KCND2: variants seen among roughly 807,000 people sequenced by gnomAD.
KCND2 encodes the protein potassium voltage-gated channel subfamily D member 2, also known as A-type voltage-gated potassium channel KCND2.
In KCND2, 16 loss-of-function variants were observed where a neutral mutation model predicts 54.4. The ratio of observed to expected loss-of-function variants is 0.29; its 90% confidence interval spans 0.20 to 0.45. The LOEUF is 0.45. Among genes scored for constraint, KCND2 ranks in the 20% least tolerant of loss-of-function variants. The pLI, the probability that KCND2 is intolerant of heterozygous loss-of-function variation, is 1.00. For missense variants in KCND2, 486 were observed against 824.2 expected (o/e 0.59, Z 5.02); for synonymous variants, 317 against 310.7 (o/e 1.02, Z -0.21).
chr7:120,393,102 G>T (rs1344782306), intron 1 of KCND2, among the ~76,000 whole-genome samples: 1 of 151,940 alleles, frequency 6.6e-6, no homozygotes, highest in Non-Finnish European at 1.5e-5. Context: ...TTTCTAAACT[G>T]TCCAAAATAT....
intron 1 of KCND2, among the ~76,000 whole-genome samples, chr7:120,640,317 G>A (rs1461098718): frequency 6.6e-6 from 1 of 151,978 alleles, no homozygotes; most frequent in Non-Finnish European, 1.5e-5. Flanking sequence ...GTTATATTTG[G>A]GCTCAATAAA....
At chr7:120,309,985 T>C (rs1799713997) in intron 1 of KCND2, among the ~76,000 whole-genome samples, 1 of 152,182 alleles carries the variant, frequency 6.6e-6, no homozygotes, top group South Asian at 2.1e-4. Context: ...GTTTTTACTG[T>C]GTCTCCAAAT....
chr7:120,678,738 GTATATATATATATATATATATA>G lies in KCND2; in HGVS notation c.1116-54146_1116-54125del, dbSNP rs66483423. 3.3e-4 allele frequency among the ~76,000 whole-genome samples: 38 copies of G among 115,794 alleles called. 2 individuals are homozygous for G. The highest frequency in any genetic ancestry group is 6.1e-4 in the South Asian group (2 of 3,274). 76.0% of individuals were successfully genotyped at this position (115,794 alleles called of 152,430 possible). A position where few individuals can be genotyped will look rare whatever the true frequency, so the allele number is the denominator to read the frequency against. On this transcript the variant is annotated intron_variant, in intron 1 of 5. Transcript: ENST00000331113. ...CTATATATAATGTGGGTGTGTGAGTGTATATATATATATATATATATATATATATATATATATATACACATAA... is the reference window on the plus strand; with the variant it reads ...CTATATATAATGTGGGTGTGTGAGTGTATATATATATATATATACACATAA...
intron 1 of KCND2, among the ~76,000 whole-genome samples, chr7:120,632,261 A>T (rs953172945): frequency 6.6e-6 from 1 of 152,224 alleles, no homozygotes; most frequent in Non-Finnish European, 1.5e-5. Context: ...TTTCAGCAGC[A>T]TATATGCACA....
At chr7:120,573,082 A>G (rs1792385660) in intron 1 of KCND2, among the ~76,000 whole-genome samples, 1 of 152,240 alleles carries the variant, frequency 6.6e-6, no homozygotes, top group Non-Finnish European at 1.5e-5. Context: ...AAAGTGTTGA[A>G]TCTGGAATTT....
chr7:120,602,622 A>G (rs1264326957), intron 1 of KCND2, among the ~76,000 whole-genome samples: 1 of 152,220 alleles, frequency 6.6e-6, no homozygotes, highest in Non-Finnish European at 1.5e-5. Flanking sequence ...GTATCAATTT[A>G]TAACCTAAAA....
At chr7:120,602,143 AG>A (rs1792821271) in intron 1 of KCND2, among the ~76,000 whole-genome samples, 1 of 152,214 alleles carries the variant, frequency 6.6e-6, no homozygotes, top group Admixed American at 6.5e-5. Flanking sequence ...TAAATAGTAA[AG>A]TCATGTAAAT....
At chr7:120,476,731 ACTCT>A (rs1018115964) in intron 1 of KCND2, among the ~76,000 whole-genome samples, 1 of 152,070 alleles carries the variant, frequency 6.6e-6, no homozygotes, top group Admixed American at 6.6e-5. Context: ...TATCCATTAT[ACTCT>A]CTCTCTTTCC....
At chr7:120,493,764 A>T (rs923191332) in intron 1 of KCND2, among the ~76,000 whole-genome samples, 1 of 152,148 alleles carries the variant, frequency 6.6e-6, no homozygotes, top group African/African-American at 2.4e-5. Context: ...TATATTGCTC[A>T]TGGGAGTGGA....
intron 1 of KCND2, among the ~76,000 whole-genome samples, chr7:120,336,992 T>A (rs183457932): frequency 7.1e-4 from 108 of 152,260 alleles, no homozygotes; most frequent in African/African-American, 2.6e-3. Context: ...ATACAAAAAA[T>A]TTAGTTAACT....
At chr7:120,303,105 T>C (rs555242060) in intron 1 of KCND2, among the ~76,000 whole-genome samples, 37 of 150,430 alleles carry the variant, frequency 2.5e-4, no homozygotes, top group Non-Finnish European at 4.3e-4. Flanking sequence ...ACAGTTGTTA[T>C]AAAAAAAAAG....
chr7:120,717,451 A>G (rs1792617622), intron 1 of KCND2, among the ~76,000 whole-genome samples: 1 of 152,144 alleles, frequency 6.6e-6, no homozygotes, highest in Admixed American at 6.6e-5. Flanking sequence ...TTTCCATTCA[A>G]TGTTTTTGAA....
intron 1 of KCND2, among the ~76,000 whole-genome samples, chr7:120,532,672 A>C (rs2116366665): frequency 6.6e-6 from 1 of 152,126 alleles, no homozygotes; most frequent in East Asian, 1.9e-4. Flanking sequence ...TGATACCAAA[A>C]AACCATTAAA....
At chr7:120,625,097 A>G (rs571389563) in intron 1 of KCND2, among the ~76,000 whole-genome samples, 1 of 152,320 alleles carries the variant, frequency 6.6e-6, no homozygotes, top group South Asian at 2.1e-4. Flanking sequence ...CATACTCTGT[A>G]GTATTAACAT....
At chr7:120,704,998 AT>A (rs796191030) in intron 1 of KCND2, among the ~76,000 whole-genome samples, 11 of 152,312 alleles carry the variant, frequency 7.2e-5, no homozygotes, top group African/African-American at 2.4e-4. Flanking sequence ...AAGAATTCAT[AT>A]TTTAAGTCCT....
intron 1 of KCND2, among the ~76,000 whole-genome samples, chr7:120,277,112 A>T (rs1303740488): frequency 1.3e-5 from 2 of 152,142 alleles, no homozygotes; most frequent in Admixed American, 1.3e-4. Context: ...TAGTTTATAT[A>T]TGAAGAATTT....
At chr7:120,510,462 C>T (rs802360) in intron 1 of KCND2, among the ~76,000 whole-genome samples, 44,145 of 151,898 alleles carry the variant, frequency 0.29, 9,159 homozygotes, top group African/African-American at 0.57. Flanking sequence ...GAGGAAAACG[C>T]TATTTAATGA....
intron 1 of KCND2, among the ~76,000 whole-genome samples, chr7:120,437,516 TC>T (rs1485917075): frequency 6.6e-6 from 1 of 151,496 alleles, no homozygotes; most frequent in Non-Finnish European, 1.5e-5. Context: ...TATAGAACAT[TC>T]TAACTGCTGT....
chr7:120,746,146 G>A, intron 5 of KCND2, 119 bp downstream of exon 5: 1 of 1,160,572 alleles, frequency 8.6e-7, no homozygotes, highest in East Asian at 2.4e-5. Flanking sequence ...TTCAGGAAGA[G>A]ACAAAAATGG....
Sources: allele counts gnomAD v4.1 joint callset (sites outside exome capture counted in the v4.1 genomes callset), GRCh38; gene constraint gnomAD v4.1.1; transcripts MANE v1.5; gene names NCBI Gene and HGNC (gene_info 2026-07-23, HGNC 2026-07-21).